The following PLSCR1 variants were observed in gnomAD, a reference collection of about 807,000 sequenced individuals.
PLSCR1 encodes the protein PL scramblase 1.
A neutral mutation model predicts 37.8 loss-of-function variants in PLSCR1; 17 were observed. The observed-to-expected ratio is 0.45, with a 90% confidence interval of 0.31 to 0.68. PLSCR1 has a LOEUF of 0.68. Ranked by LOEUF, PLSCR1 falls within the 30% of genes least tolerant of loss-of-function variation. PLSCR1 has a pLI of 0.06. For missense variants in PLSCR1, 347 were observed against 380.9 expected (o/e 0.91, Z 0.74); for synonymous variants, 116 against 125.9 (o/e 0.92, Z 0.53).
chr3:146,518,550 G>A (rs953259801), intron 7 of PLSCR1, among the ~76,000 whole-genome samples: 1 of 152,110 alleles, frequency 6.6e-6, no homozygotes, highest in African/African-American at 2.4e-5. Context: ...AGCATTTGAA[G>A]CTAGTAATGA....
At chr3:146,544,190 T>G (rs938399507) in intron 1 of PLSCR1, among the ~76,000 whole-genome samples, 5 of 152,198 alleles carry the variant, frequency 3.3e-5, no homozygotes, top group African/African-American at 1.2e-4. Context: ...ATTCGAATGG[T>G]TCTGGGGTGA....
intron 7 of PLSCR1, among the ~76,000 whole-genome samples, chr3:146,517,848 G>C (rs1398413369): frequency 2.0e-5 from 3 of 152,166 alleles, no homozygotes; most frequent in Non-Finnish European, 4.4e-5. Context: ...ATCATATAGG[G>C]TTGAATGGAC....
chr3:146,520,389 T>C (rs71302408), intron 7 of PLSCR1, among the ~76,000 whole-genome samples: 15,583 of 152,186 alleles, frequency 0.1, 1,024 homozygotes, highest in African/African-American at 0.18. Flanking sequence ...AGAAATTACT[T>C]TTCACTTCTC....
intron 1 of PLSCR1, among the ~76,000 whole-genome samples, chr3:146,538,688 AAG>A (rs1328661091): frequency 1.3e-5 from 2 of 152,194 alleles, no homozygotes; most frequent in Non-Finnish European, 2.9e-5. Flanking sequence ...AATGTAAGAG[AAG>A]AAACTTAGGC....
At chr3:146,535,775 T>C (rs745332324) in intron 2 of PLSCR1, among the ~76,000 whole-genome samples, 1 of 152,030 alleles carries the variant, frequency 6.6e-6, no homozygotes, top group Non-Finnish European at 1.5e-5. Context: ...AAAAAGAAAA[T>C]CATAAAACTT....
intron 1 of PLSCR1, among the ~76,000 whole-genome samples, chr3:146,540,348 A>C (rs1307360055): frequency 6.6e-6 from 1 of 152,190 alleles, no homozygotes; most frequent in Non-Finnish European, 1.5e-5. Context: ...AGAAATCATA[A>C]GTTCCCATTG....
intron 3 of PLSCR1, among the ~76,000 whole-genome samples, chr3:146,532,849 A>G (rs1056175353): frequency 6.6e-6 from 1 of 152,168 alleles, no homozygotes; most frequent in African/African-American, 2.4e-5. Flanking sequence ...TGAAAAGAAA[A>G]AATGTACTCA....
At chr3:146,525,914 T>G (rs1479989673) in intron 4 of PLSCR1, among the ~76,000 whole-genome samples, 1 of 151,596 alleles carries the variant, frequency 6.6e-6, no homozygotes, top group Non-Finnish European at 1.5e-5. Context: ...ACAATTGAGG[T>G]GGCTCATGCC....
chr3:146,515,960 C>A lies in PLSCR1; in HGVS notation c.*85G>T, dbSNP rs2043939975. The stretch of plus-strand genomic sequence containing the variant: ...TATACAACCAGAGCTACAGGCCTTA[C>A]AGCTTAATTCATACAGGTATGAGTT... On this transcript the variant is annotated 3_prime_UTR_variant, in exon 9 of 9. Coordinates refer to ENST00000342435, the MANE Select transcript of PLSCR1 (RefSeq NM_021105.3). 3 of 813,030 alleles carry A rather than the reference C, an allele frequency of 3.7e-6. No homozygotes were observed. Among genetic ancestry groups the A allele is most frequent in the Non-Finnish European group, 6.2e-6 (3 of 486,336 alleles). The allele number at this position is 813,030 out of a possible 1,614,324, so 50.4% of individuals were successfully genotyped here. A position where few individuals can be genotyped will look rare whatever the true frequency, so the allele number is the denominator to read the frequency against.
chr3:146,527,842 A>G (rs1176563259), intron 4 of PLSCR1: 1 of 152,202 alleles, frequency 6.6e-6, no homozygotes. Flanking sequence ...CTGGACACAC[A>G]GAGTTTCTTG....
At chr3:146,523,633 G>A (rs2044064758) in intron 5 of PLSCR1, among the ~76,000 whole-genome samples, 1 of 152,164 alleles carries the variant, frequency 6.6e-6, no homozygotes, top group African/African-American at 2.4e-5. Context: ...TGGGAGGTGG[G>A]TATTAGACAA....
chr3:146,530,720 G>A (rs1259835978), intron 3 of PLSCR1, among the ~76,000 whole-genome samples: 1 of 152,202 alleles, frequency 6.6e-6, no homozygotes, highest in Non-Finnish European at 1.5e-5. Context: ...TCATAAGAAA[G>A]AAGACGACTA....
intron 4 of PLSCR1, 113 bp from the exon 5 acceptor site, chr3:146,525,760 A>G: frequency 1.9e-6 from 1 of 521,710 alleles, no homozygotes; most frequent in South Asian, 3.2e-5. Context: ...ACCAATTATC[A>G]ATATTTAACA....
rs1487787193 is a variant in PLSCR1 at position 146,515,961 on chromosome 3, A to T, written c.*84T>A. 1 of 820,334 alleles carries T rather than the reference A, an allele frequency of 1.2e-6. No individual in the cohort carries two copies. Among genetic ancestry groups the T allele is most frequent in the Non-Finnish European group, 2.0e-6 (1 of 491,946 alleles). The allele number at this position is 820,334 out of a possible 1,614,324, so 50.8% of individuals were successfully genotyped here. ...ATACAACCAGAGCTACAGGCCTTAC[A>T]GCTTAATTCATACAGGTATGAGTTT... On this transcript the variant is annotated 3_prime_UTR_variant, in exon 9 of 9. Transcript: ENST00000342435.
Position 146,533,549 on chromosome 3 carries a change from G to A in PLSCR1, c.15C>T (p.Asn5=). 6.3e-7 allele frequency: 1 copy of A among 1,592,542 alleles called. No individual in the cohort carries two copies. Among genetic ancestry groups the A allele is most frequent in the Non-Finnish European group, 8.6e-7 (1 of 1,162,852 alleles). Residue 5 remains asparagine, a splice_region_variant and synonymous_variant, in exon 3 of 9, where the codon AAC becomes AAT. Transcript: ENST00000342435. MDKQ[N]SQMNASHPET... ...CCGGGTGAGAAGCATTCATCTGTGA[G>A]TCTGCAATTCAAGGAGAGGTAAATA...
intron 7 of PLSCR1, 85 bp downstream of exon 7, chr3:146,521,459 A>C (rs1411958836): frequency 8.8e-7 from 1 of 1,139,910 alleles, no homozygotes; most frequent in East Asian, 2.3e-5. Context: ...CACAACACTT[A>C]TTTAATGCAT....
chr3:146,515,877 A>G lies in PLSCR1; in HGVS notation c.*168T>C, dbSNP rs1024955313. On this transcript the variant is annotated 3_prime_UTR_variant, in exon 9 of 9. Transcript: ENST00000342435. ...ATTGACAATGAGTATTAAAAAATGT[A>G]CAAAAACCTTTATAAATCAGTTATA... is the stretch of plus-strand genomic sequence containing the variant. 1.9e-4 allele frequency: 85 copies of G among 450,078 alleles called. No individual in the cohort carries two copies. Among genetic ancestry groups the G allele is most frequent in the African/African-American group, 1.6e-3 (77 of 48,920 alleles). The allele number at this position is 450,078 out of a possible 1,614,324, so 27.9% of individuals were successfully genotyped here. A position where few individuals can be genotyped will look rare whatever the true frequency, so the allele number is the denominator to read the frequency against.
chr3:146,526,951 C>T (rs2044125522), intron 4 of PLSCR1, among the ~76,000 whole-genome samples: 1 of 152,108 alleles, frequency 6.6e-6, no homozygotes, highest in Non-Finnish European at 1.5e-5. Flanking sequence ...ACCAGCCTGG[C>T]CAGTATGGTG....
intron 3 of PLSCR1, among the ~76,000 whole-genome samples, chr3:146,530,761 T>G (rs2044186135): frequency 1.3e-5 from 2 of 152,176 alleles, no homozygotes; most frequent in South Asian, 4.1e-4. Context: ...AACAGGAAGC[T>G]GTTCATCAAA....
Sources: gnomAD v4.1 joint callset for allele counts (sites outside exome capture counted in the v4.1 genomes callset) on GRCh38, gnomAD v4.1.1 for gene constraint, MANE v1.5 for transcripts, NCBI Gene and HGNC (gene_info 2026-07-23, HGNC 2026-07-21) for gene names.